The following PEX19 variants were observed in gnomAD, a reference collection of about 807,000 sequenced individuals.
PEX19 encodes peroxisomal biogenesis factor 19.
A neutral mutation model predicts 36.3 loss-of-function variants in PEX19; 29 were observed. The observed-to-expected ratio is 0.80, with a 90% CI of 0.60 to 1.09. The LOEUF (loss-of-function observed/expected upper bound fraction) is 1.09. PEX19 is among the 50% of genes least tolerant of loss of function. The probability of loss-of-function intolerance (pLI) is 0.00; values close to 1 mark genes in which losing one functional copy is unlikely to be tolerated. For missense variants in PEX19, 396 were observed against 368.1 expected (o/e 1.08, Z -0.62); for synonymous variants, 141 against 135.2 (o/e 1.04, Z -0.30).
rs1336101202 is a variant in PEX19, at chr1:160,280,052, G to A, written c.771+18C>T. 34 of 1,610,526 alleles carry A rather than the reference G, an allele frequency of 2.1e-5. No homozygotes were observed. The highest frequency in any genetic ancestry group is 2.8e-5 in the Non-Finnish European group (33 of 1,177,012). On this transcript the variant is annotated intron_variant, in intron 6 of 7. Transcript: ENST00000368072. ...CCTAAGTGGACAGCACCAGTGGGCAGAAGGCAAGAGGCCTTACCTGCTGCA... is the reference window on the plus strand; with the variant it reads ...CCTAAGTGGACAGCACCAGTGGGCAAAAGGCAAGAGGCCTTACCTGCTGCA...
intron 2 of PEX19, 26 bp from the exon 3 acceptor site, chr1:160,283,135 C>A: frequency 6.2e-7 from 1 of 1,611,786 alleles, no homozygotes; most frequent in South Asian, 1.1e-5. Flanking sequence ...GGCTGAAATG[C>A]GTCTCTTACT....
At chr1:160,284,140 T>C (rs769110941) in intron 1 of PEX19, 3 of 471,752 alleles carry the variant, frequency 6.4e-6, no homozygotes, top group Admixed American at 2.3e-5. Flanking sequence ...CCAGACTCCA[T>C]GGTACGGCAT....
Position 160,279,116 on chromosome 1 carries a change from G to A in PEX19, c.*435C>T. The A allele has an allele frequency of 8.8e-6, 4 of 453,316 alleles. 1 individual carries two copies. Among genetic ancestry groups the A allele is most frequent in the South Asian group, 4.7e-5 (3 of 64,172 alleles). The allele number at this position is 453,316 out of a possible 1,614,324, so 28.1% of individuals were successfully genotyped here. On this transcript the variant is annotated 3_prime_UTR_variant, in exon 8 of 8. Coordinates refer to ENST00000368072, the MANE Select transcript of PEX19 (RefSeq NM_002857.4). ...TCCCCATTCTCAAAGGCTCTGCCAG[G>A]AGAACTATAGAAATACAGAGTCCCA...
rs1364711443 is a variant in PEX19, at chr1:160,280,178, C to G, written c.663G>C (p.Gln221His). 6.2e-7 allele frequency: 1 copy of G among 1,613,834 alleles called. No individual in the cohort carries two copies. The highest frequency in any genetic ancestry group is 8.5e-7 in the Non-Finnish European group (1 of 1,179,838). Reference sequence around the variant, plus strand: ...CACATATTTTGCACATGACGCTGTGCTGCTCCTGATATTTTTCAAACTGCT... The same window carrying G: ...CACATATTTTGCACATGACGCTGTGGTGCTCCTGATATTTTTCAAACTGCT... The part of the protein sequence containing the change: ...PPEQFEKYQE[Q>H]HSVMCKICEQ... The change falls in exon 6 of 8, where the codon CAG becomes CAC. Residue 221 changes from glutamine to histidine, a missense_variant. Gln to His is a conservative substitution (Grantham distance 24, BLOSUM62 0). Transcript: ENST00000368072.
At chr1:160,281,514 T>C (rs370657006) in intron 5 of PEX19, among the ~76,000 whole-genome samples, 69 of 152,290 alleles carry the variant, frequency 4.5e-4, no homozygotes, top group African/African-American at 1.5e-3. Context: ...GTTCAAGTGA[T>C]TCTCCTGCTG....
At position 160,279,342 on chromosome 1, in the gene PEX19, G is replaced by A. The variant is rs1657664910; in HGVS notation, c.*209C>T. On this transcript the variant is annotated 3_prime_UTR_variant, in exon 8 of 8. Transcript: ENST00000368072. Reference sequence around the variant, plus strand: ...TAGTGGCAGAAACCACAATGGAGTAGGGTTCACAGAAATGGCCTGTGAAAC... The same window carrying A: ...TAGTGGCAGAAACCACAATGGAGTAAGGTTCACAGAAATGGCCTGTGAAAC... 2 of 690,384 alleles carry A rather than the reference G, an allele frequency of 2.9e-6. No individual in the cohort carries two copies. Among genetic ancestry groups the A allele is most frequent in the Admixed American group, 2.0e-5 (1 of 49,692 alleles). 42.8% of individuals were successfully genotyped at this position (690,384 alleles called of 1,614,324 possible).
In PEX19 at chr1:160,277,579, C is replaced by T. The variant is rs375982122; in HGVS notation, c.*1972G>A. ...CAACCTGCTCACATTCAATCAAAATCAAAATAAAAATGAGTGCCTTGGGAA... is the reference window on the plus strand; with the variant it reads ...CAACCTGCTCACATTCAATCAAAATTAAAATAAAAATGAGTGCCTTGGGAA... On this transcript the variant is annotated 3_prime_UTR_variant, in exon 8 of 8. Transcript: ENST00000368072. 2.2e-6 allele frequency: 1 copy of T among 454,000 alleles called. No homozygotes were observed. The highest frequency in any genetic ancestry group is 4.4e-6 in the Non-Finnish European group (1 of 226,796). The allele number at this position is 454,000 out of a possible 1,614,324, so 28.1% of individuals were successfully genotyped here.
rs1657598680 is a variant in PEX19 at position 160,277,758 on chromosome 1, C to T, written c.*1793G>A. 1 of 470,220 alleles carries T rather than the reference C, an allele frequency of 2.1e-6. No individual in the cohort carries two copies. The highest frequency in any genetic ancestry group is 2.0e-5 in the African/African-American group (1 of 50,716). The allele number at this position is 470,220 out of a possible 1,614,324, so 29.1% of individuals were successfully genotyped here. A position where few individuals can be genotyped will look rare whatever the true frequency, so the allele number is the denominator to read the frequency against. ...TTTGTTCTTCCCTCCTCCTCTCTAT[C>T]CTTGTCCAGTTTTTGGCTGGAGCTT... is the stretch of plus-strand genomic sequence containing the variant. On this transcript the variant is annotated 3_prime_UTR_variant, in exon 8 of 8. Coordinates refer to ENST00000368072, the MANE Select transcript of PEX19 (RefSeq NM_002857.4).
In PEX19 at chr1:160,278,819, AGGGAGGAT is replaced by A. The variant is rs1269381134; in HGVS notation, c.*724_*731del. ...GTGTTTAAAAAAGAGAGGAGGTAAA[AGGGAGGAT>A]GGGCAGGGGATAGAGGAAGGTCAGG... On this transcript the variant is annotated 3_prime_UTR_variant, in exon 8 of 8. Transcript: ENST00000368072. 2.4e-5 allele frequency: 11 copies of A among 453,946 alleles called. No individual in the cohort carries two copies. Among genetic ancestry groups the A allele is most frequent in the Non-Finnish European group, 4.9e-5 (11 of 226,774 alleles). 28.1% of individuals were successfully genotyped at this position (453,946 alleles called of 1,614,324 possible).
Position 160,283,033 on chromosome 1 carries a change from T to G in PEX19, c.257A>C (p.Glu86Ala), listed in dbSNP as rs1453918056. 6.2e-7 allele frequency: 1 copy of G among 1,614,062 alleles called. No homozygotes were observed. The highest frequency in any genetic ancestry group is 1.3e-5 in the African/African-American group (1 of 74,920). ...CAACTCCTTCATTGCCTTCTCGAACTCCGCAGTGGCTTGGGAAGCCAGTTC... is the reference window on the plus strand; with the variant it reads ...CAACTCCTTCATTGCCTTCTCGAACGCCGCAGTGGCTTGGGAAGCCAGTTC... Reference protein sequence around the residue: ...DSELASQATAEFEKAMKELAE... With the variant: ...DSELASQATAAFEKAMKELAE... The change falls in exon 3 of 8, where the codon GAG becomes GCG. Residue 86 changes from glutamate (E) to alanine (A), a missense_variant. By Grantham distance (107) the Glu-to-Ala change is moderately radical (BLOSUM62 -1). Transcript: ENST00000368072.
Position 160,282,139 on chromosome 1 carries a change from C to T in PEX19, c.494G>A (p.Gly165Glu), listed in dbSNP as rs1223825927. 6.2e-7 allele frequency: 1 copy of T among 1,613,914 alleles called. No individual in the cohort carries two copies. Among genetic ancestry groups the T allele is most frequent in the African/African-American group, 1.3e-5 (1 of 74,894 alleles). The change falls in exon 5 of 8, where the codon GGG (glycine) becomes GAG (glutamate). Residue 165 changes from glycine (G) to glutamate (E), a missense_variant. By Grantham distance (98) the Gly-to-Glu change is moderately conservative. Coordinates refer to ENST00000368072, the MANE Select transcript of PEX19 (RefSeq NM_002857.4). The part of the protein sequence containing the change: ...KAMEGLGMDE[G>E]DGEGNILPIM... ...GGGGAGGATGTTCCCTTCCCCATCC[C>T]CTTCGTCCATGCCTAGCCCCTCCAT...
At position 160,277,818 on chromosome 1, in the gene PEX19, T is replaced by C; in HGVS notation, c.*1733A>G. The C allele has an allele frequency of 1.8e-6, 1 of 541,332 alleles. No individual in the cohort carries two copies. Among genetic ancestry groups the C allele is most frequent in the South Asian group, 1.5e-5 (1 of 65,336 alleles). 33.5% of individuals were successfully genotyped at this position (541,332 alleles called of 1,614,324 possible). On this transcript the variant is annotated 3_prime_UTR_variant, in exon 8 of 8. Coordinates refer to ENST00000368072, the MANE Select transcript of PEX19 (RefSeq NM_002857.4). ...AATAGTGACACTGAAGCCCCATGAC[T>C]ATATCACAAGTATACCTGTATTTTT...
chr1:160,278,698 G>A lies in PEX19; in HGVS notation c.*853C>T, dbSNP rs191247565. ...GTTTATTTGTGTCTGCCAGGAAGAC[G>A]GGGAGTCAGTGAGAATCGTAAATGG... On this transcript the variant is annotated 3_prime_UTR_variant, in exon 8 of 8. Transcript: ENST00000368072. 1.6e-4 allele frequency: 73 copies of A among 454,106 alleles called. No homozygotes were observed. The highest frequency in any genetic ancestry group is 1.7e-4 in the Non-Finnish European group (39 of 226,812). 28.1% of individuals were successfully genotyped at this position (454,106 alleles called of 1,614,324 possible). A position where few individuals can be genotyped will look rare whatever the true frequency, so the allele number is the denominator to read the frequency against.
Position 160,283,597 on chromosome 1 carries a change from G to A in PEX19, c.113C>T (p.Pro38Leu). Reference protein sequence around the residue: ...DFDKAKPSPAPPSTTTAPDAS... With the variant: ...DFDKAKPSPALPSTTTAPDAS... ...ATCAGGGGCCGTGGTGGTAGAAGGG[G>A]GTGCTGGGGAGGGTTTGGCTTTATC... The change falls in exon 2 of 8, where the codon CCC becomes CTC. Residue 38 changes from proline (P) to leucine (L), a missense_variant. Coordinates refer to ENST00000368072, the MANE Select transcript of PEX19 (RefSeq NM_002857.4). 6.2e-7 allele frequency: 1 copy of A among 1,614,146 alleles called. No homozygotes were observed. The highest frequency in any genetic ancestry group is 8.5e-7 in the Non-Finnish European group (1 of 1,180,002).
At chr1:160,283,420 G>T in intron 2 of PEX19, 110 bp downstream of exon 2, 1 of 779,556 alleles carries the variant, frequency 1.3e-6, no homozygotes, top group Non-Finnish European at 2.1e-6. Flanking sequence ...ACCAATGTGA[G>T]GCCAAGGTAC....
At chr1:160,284,030 ACT>A (rs1430960393) in intron 1 of PEX19, 3 of 469,920 alleles carry the variant, frequency 6.4e-6, no homozygotes. Flanking sequence ...CTCTGAACTC[ACT>A]CTGGAGCTCT....
chr1:160,279,759 T>C (rs772518491), intron 7 of PEX19, 42 bp downstream of exon 7: 27 of 1,588,070 alleles, frequency 1.7e-5, no homozygotes, highest in Non-Finnish European at 2.1e-5. Flanking sequence ...TTCTGGAAAT[T>C]GGGGACTCAA....
intron 5 of PEX19, 39 bp downstream of exon 5, chr1:160,282,000 G>A: frequency 6.3e-7 from 1 of 1,578,036 alleles, no homozygotes; most frequent in Non-Finnish European, 8.7e-7. Flanking sequence ...TGATGTGATG[G>A]AAAATGAAGA....
intron 1 of PEX19, among the ~76,000 whole-genome samples, 178 bp downstream of exon 1, chr1:160,284,877 G>GGC (rs1444435982): frequency 6.6e-6 from 1 of 152,162 alleles, no homozygotes; most frequent in Non-Finnish European, 1.5e-5. Flanking sequence ...AGCTCCAGTC[G>GGC]CCGGGGTGGG....
Sources: allele counts gnomAD v4.1 joint callset (sites outside exome capture counted in the v4.1 genomes callset), GRCh38; gene constraint gnomAD v4.1.1; transcripts MANE v1.5; gene names NCBI Gene and HGNC (gene_info 2026-07-23, HGNC 2026-07-21).